TYR: variants seen among roughly 807,000 people sequenced by gnomAD.
The protein encoded by TYR is tyrosinase.
Under a neutral mutation model 51.5 loss-of-function variants are expected in TYR, and 58 were observed. That is an observed-to-expected ratio of 1.13 (90% CI 0.91 to 1.40). The LOEUF is 1.40. Among genes scored for constraint, TYR ranks in the 40% most tolerant of loss-of-function variants. The pLI, the probability that TYR is intolerant of heterozygous loss-of-function variation, is 0.00. For missense variants in TYR, 732 were observed against 647.4 expected, an observed-to-expected ratio of 1.13 and a Z score of -1.42; for synonymous variants, 263 against 235.2, an observed-to-expected ratio of 1.12 and a Z score of -1.08.
At chr11:89,294,794 T>C (rs560827418) in intron 4 of TYR, among the ~76,000 whole-genome samples, 1 of 152,340 alleles carries the variant, frequency 6.6e-6, no homozygotes, top group South Asian at 2.1e-4. Flanking sequence ...AACGGTGTTC[T>C]ATTGATAATC....
At chr11:89,270,074 A>G (rs1280778191) in intron 3 of TYR, among the ~76,000 whole-genome samples, 6 of 151,902 alleles carry the variant, frequency 3.9e-5, no homozygotes, top group African/African-American at 1.4e-4. Flanking sequence ...CACAGCTTTT[A>G]AACTAATATT....
chr11:89,225,977 C>T (rs987816807), intron 2 of TYR, among the ~76,000 whole-genome samples: 1 of 151,844 alleles, frequency 6.6e-6, no homozygotes, highest in Non-Finnish European at 1.5e-5. Context: ...AAGATATGTA[C>T]AATTGTTACA....
intron 3 of TYR, among the ~76,000 whole-genome samples, chr11:89,249,180 AG>A (rs1944303335): frequency 6.6e-6 from 1 of 152,174 alleles, no homozygotes; most frequent in African/African-American, 2.4e-5. Context: ...GAACCAGGTT[AG>A]ATACATGTAT....
intron 3 of TYR, among the ~76,000 whole-genome samples, chr11:89,257,982 T>G (rs2135304758): frequency 6.6e-6 from 1 of 152,152 alleles, no homozygotes; most frequent in South Asian, 2.1e-4. Flanking sequence ...AATATGGATT[T>G]TTTTAAAAAA....
At chr11:89,192,549 A>G (rs1413659929) in intron 2 of TYR, among the ~76,000 whole-genome samples, 1 of 151,590 alleles carries the variant, frequency 6.6e-6, no homozygotes, top group Non-Finnish European at 1.5e-5. Context: ...TTATTATTGT[A>G]CTGTGCAGAG....
intron 2 of TYR, among the ~76,000 whole-genome samples, chr11:89,205,526 G>GA (rs1050251473): frequency 6.6e-6 from 1 of 151,958 alleles, no homozygotes; most frequent in African/African-American, 2.4e-5. Flanking sequence ...ATCTATTGTG[G>GA]AAAAAAATGA....
At position 89,256,784 on chromosome 11, in the gene TYR, AT is replaced by A. The variant is rs370530204; in HGVS notation, c.1185-27986del. 4.5e-4 allele frequency among the ~76,000 whole-genome samples: 69 copies of A among 152,018 alleles called. 1 individual carries two copies. In the East Asian group the frequency reaches 0.011, roughly 25 times the overall value. ...GATTTCTGAAGAGGGGACACTGTTT[AT>A]TTAGTAGTGATATCTCATATCACCT... is the stretch of plus-strand genomic sequence containing the variant. On this transcript the variant is annotated intron_variant, in intron 3 of 4. Transcript: ENST00000263321.
At chr11:89,258,424 A>G (rs1296460411) in intron 3 of TYR, among the ~76,000 whole-genome samples, 1 of 151,728 alleles carries the variant, frequency 6.6e-6, no homozygotes, top group East Asian at 1.9e-4. Context: ...CTATATGGCA[A>G]CATCTGGCCA....
chr11:89,219,099 A>C (rs1030906864), intron 2 of TYR, among the ~76,000 whole-genome samples: 1 of 152,178 alleles, frequency 6.6e-6, no homozygotes, highest in Non-Finnish European at 1.5e-5. Flanking sequence ...CTTTTATTGC[A>C]ATAATGAAAG....
At chr11:89,252,924 G>A (rs1158359567) in intron 3 of TYR, among the ~76,000 whole-genome samples, 1 of 151,672 alleles carries the variant, frequency 6.6e-6, no homozygotes, top group East Asian at 1.9e-4. Context: ...TAAATAAATA[G>A]AGTATTTTGA....
At chr11:89,287,401 C>T (rs951069944) in intron 4 of TYR, among the ~76,000 whole-genome samples, 1 of 151,774 alleles carries the variant, frequency 6.6e-6, no homozygotes, top group Non-Finnish European at 1.5e-5. Context: ...TGTGTCTGTA[C>T]TGAGTTGTTT....
At chr11:89,231,601 T>C (rs1944051107) in intron 3 of TYR, among the ~76,000 whole-genome samples, 1 of 142,458 alleles carries the variant, frequency 7.0e-6, no homozygotes, top group Non-Finnish European at 1.5e-5. Context: ...TTTAAACTCC[T>C]AGAATTAGAG....
At chr11:89,270,613 T>A (rs1944577919) in intron 3 of TYR, among the ~76,000 whole-genome samples, 1 of 151,880 alleles carries the variant, frequency 6.6e-6, no homozygotes, top group Non-Finnish European at 1.5e-5. Flanking sequence ...ATTTCTTAGA[T>A]CCTTTCTTCT....
At chr11:89,262,847 C>CAAAAAAAAAAAAAAAAAA (rs771958187) in intron 3 of TYR, among the ~76,000 whole-genome samples, 2 of 19,296 alleles carry the variant, frequency 1.0e-4, no homozygotes, top group East Asian at 1.9e-3. Flanking sequence ...GCTACTCATC[C>CAAAAAAAAAAAAAAAAAA]AAAAAAAAAA....
intron 1 of TYR, among the ~76,000 whole-genome samples, chr11:89,181,327 G>T (rs192761858): frequency 1.6e-4 from 24 of 152,270 alleles, no homozygotes; most frequent in Admixed American, 1.3e-4. Flanking sequence ...TCAAGTGTTT[G>T]CATTTTTAAA....
intron 3 of TYR, among the ~76,000 whole-genome samples, chr11:89,278,280 T>G (rs1268252702): frequency 6.6e-6 from 1 of 151,654 alleles, no homozygotes; most frequent in Non-Finnish European, 1.5e-5. Flanking sequence ...GTTACATTCT[T>G]CCATATTTGC....
At chr11:89,282,047 G>A (rs1396695381) in intron 3 of TYR, among the ~76,000 whole-genome samples, 4 of 151,804 alleles carry the variant, frequency 2.6e-5, no homozygotes, top group African/African-American at 4.8e-5. Context: ...CACTGGTGAA[G>A]AACTTAATCA....
At chr11:89,225,196 T>C (rs935009322) in intron 2 of TYR, among the ~76,000 whole-genome samples, 2 of 152,016 alleles carry the variant, frequency 1.3e-5, no homozygotes, top group African/African-American at 4.8e-5. Flanking sequence ...CATCACATGA[T>C]GCTTTGATGT....
chr11:89,250,003 T>C (rs1401914959), intron 3 of TYR, among the ~76,000 whole-genome samples: 1 of 152,032 alleles, frequency 6.6e-6, no homozygotes, highest in Non-Finnish European at 1.5e-5. Flanking sequence ...TAGTTATTTC[T>C]ATTTTCTGAT....
Sources: gnomAD v4.1 joint callset for allele counts (sites outside exome capture counted in the v4.1 genomes callset) on GRCh38, gnomAD v4.1.1 for gene constraint, MANE v1.5 for transcripts, NCBI Gene and HGNC (gene_info 2026-07-23, HGNC 2026-07-21) for gene names.